INO80: variants seen among roughly 807,000 people sequenced by gnomAD.
INO80 encodes the protein INO80 complex ATPase subunit, also known as chromatin-remodeling ATPase INO80.
A neutral mutation model predicts 203.4 loss-of-function variants in INO80; 20 were observed. The observed-to-expected ratio is 0.10, with a 90% CI of 0.07 to 0.14. INO80 has a LOEUF of 0.14. INO80 is among the 10% of genes least tolerant of loss of function. The pLI, the probability that INO80 is intolerant of heterozygous loss-of-function variation, is 1.00. For missense variants in INO80, 1,419 were observed against 1,914.4 expected (o/e 0.74, Z 4.83); for synonymous variants, 726 against 685.2 (o/e 1.06, Z -0.93).
chr15:41,066,029 G>A (rs1223001497), intron 14 of INO80, among the ~76,000 whole-genome samples: 1 of 113,152 alleles, frequency 8.8e-6, no homozygotes, highest in Non-Finnish European at 1.7e-5. Flanking sequence ...TTGTGCTCTT[G>A]TTGCCCAGGC....
intron 24 of INO80, among the ~76,000 whole-genome samples, chr15:41,028,978 G>A (rs990461162): frequency 1.3e-5 from 2 of 152,200 alleles, no homozygotes; most frequent in African/African-American, 4.8e-5. Context: ...GGGACATGGT[G>A]TTCTATATAA....
chr15:41,052,977 A>G (rs796205404), intron 19 of INO80, among the ~76,000 whole-genome samples: 42 of 152,244 alleles, frequency 2.8e-4, no homozygotes, highest in African/African-American at 1.0e-3. Flanking sequence ...AGGCAACAGT[A>G]AGCCAAGATT....
At chr15:41,025,739 C>A (rs148184135) in intron 25 of INO80, among the ~76,000 whole-genome samples, 43 of 151,860 alleles carry the variant, frequency 2.8e-4, no homozygotes, top group African/African-American at 9.7e-4. Context: ...AAAACCCCAA[C>A]AACCAAAAAA....
Position 40,979,527 on chromosome 15 carries a change from C to T in INO80, c.*696G>A, listed in dbSNP as rs1168768951. ...AGGTGGCTCCTGGTCTCTCTACTGG[C>T]TTCTGGGAGTCCCCTGGGTGGAAGG... On this transcript the variant is annotated 3_prime_UTR_variant, in exon 36 of 36. Coordinates refer to ENST00000648947, the MANE Select transcript of INO80 (RefSeq NM_017553.3). 6.5e-6 allele frequency: 1 copy of T among 153,486 alleles called. No individual in the cohort carries two copies. Among genetic ancestry groups the T allele is most frequent in the East Asian group, 1.9e-4 (1 of 5,212 alleles). The allele number at this position is 153,486 out of a possible 1,614,324, so 9.5% of individuals were successfully genotyped here.
chr15:41,057,553 T>G (rs954563608), intron 16 of INO80, among the ~76,000 whole-genome samples: 1 of 151,526 alleles, frequency 6.6e-6, no homozygotes, highest in African/African-American at 2.4e-5. Flanking sequence ...TCCCAGCACT[T>G]TGGGAGGCAG....
At chr15:41,045,883 C>T (rs1231093220) in intron 23 of INO80, among the ~76,000 whole-genome samples, 3 of 142,052 alleles carry the variant, frequency 2.1e-5, no homozygotes, top group Admixed American at 7.6e-5. Context: ...CCTAGGCGAC[C>T]GAGTGAGACT....
In INO80 at chr15:41,005,583, T is replaced by A. The variant is rs2044029214; in HGVS notation, c.3497+10A>T. The A allele has an allele frequency of 6.7e-7, 1 of 1,485,772 alleles. No individual in the cohort carries two copies. Among genetic ancestry groups the A allele is most frequent in the Admixed American group, 1.7e-5 (1 of 57,432 alleles). The allele number at this position is 1,485,772 out of a possible 1,614,324, so 92.0% of individuals were successfully genotyped here. On this transcript the variant is annotated intron_variant, in intron 28 of 35. Transcript: ENST00000648947. ...AAAAAGATAATTTTTGTAATTCCCA[T>A]GAACATTACCTGTTCTGAAAATCAG...
intron 14 of INO80, among the ~76,000 whole-genome samples, chr15:41,061,554 C>T (rs2045109154): frequency 7.2e-6 from 1 of 139,638 alleles, no homozygotes; most frequent in African/African-American, 2.7e-5. Flanking sequence ...ACCCAGGAAG[C>T]AGAAGTTGCA....
intron 27 of INO80, among the ~76,000 whole-genome samples, chr15:41,015,547 A>G (rs1329958976): frequency 6.6e-6 from 1 of 152,020 alleles, no homozygotes; most frequent in African/African-American, 2.4e-5. Flanking sequence ...GGGGTGTTCT[A>G]TTTCACTGGT....
At chr15:41,089,708 A>G (rs2045607188) in intron 5 of INO80, among the ~76,000 whole-genome samples, 1 of 151,804 alleles carries the variant, frequency 6.6e-6, no homozygotes, top group South Asian at 2.1e-4. Flanking sequence ...ACGCCATTGC[A>G]CTCGAGCCTG....
intron 1 of INO80, chr15:41,109,078 CAAGAAGTCTATTCCTGG>C (rs1402203516): frequency 6.0e-6 from 1 of 167,444 alleles, no homozygotes; most frequent in Non-Finnish European, 1.3e-5. Context: ...TGGAGAATCC[CAAGAAGTCTATTCCTGG>C]AACAAAAATT....
intron 7 of INO80, among the ~76,000 whole-genome samples, 184 bp from the exon 8 acceptor site, chr15:41,081,257 A>G (rs1247254711): frequency 6.6e-6 from 1 of 152,220 alleles, no homozygotes; most frequent in African/African-American, 2.4e-5. Flanking sequence ...TTAAAGAAGC[A>G]TTCAAGAAGA....
At chr15:41,092,218 G>A in intron 4 of INO80, 36 bp from the exon 5 acceptor site, 1 of 1,529,296 alleles carries the variant, frequency 6.5e-7, no homozygotes, top group Non-Finnish European at 8.9e-7. Context: ...ATCTTTTGCT[G>A]TGAAGCAATC....
intron 23 of INO80, among the ~76,000 whole-genome samples, chr15:41,045,277 G>A (rs901608775): frequency 6.6e-6 from 1 of 151,884 alleles, no homozygotes; most frequent in African/African-American, 2.4e-5. Flanking sequence ...AAAATCCTCC[G>A]CAAAGCTCCT....
In INO80 at chr15:41,098,130, G is replaced by A. The variant is rs542362227; in HGVS notation, c.-43-1777C>T. Among the ~76,000 whole-genome samples the A allele has an allele frequency of 1.7e-3, 258 of 152,272 alleles. 1 individual carries two copies. Among genetic ancestry groups the A allele is most frequent in the Non-Finnish European group, 2.9e-3 (197 of 68,016 alleles). ...CTCCCAAAGTGCAGGGATTACAGGC[G>A]TGAGCCACCACGCCCGGCCAACTAA... On this transcript the variant is annotated intron_variant, in intron 1 of 35. Transcript: ENST00000648947.
At chr15:41,099,278 C>CAT (rs1271635146) in intron 1 of INO80, among the ~76,000 whole-genome samples, 4 of 126,686 alleles carry the variant, frequency 3.2e-5, no homozygotes, top group Non-Finnish European at 6.7e-5. Context: ...CAAACACACA[C>CAT]ACACACACAC....
intron 9 of INO80, among the ~76,000 whole-genome samples, chr15:41,075,074 G>C (rs555062680): frequency 6.6e-6 from 1 of 152,136 alleles, no homozygotes; most frequent in Non-Finnish European, 1.5e-5. Flanking sequence ...CTAGTAACAA[G>C]TGTTTTGCTC....
chr15:41,102,380 A>G (rs758301242), intron 1 of INO80, among the ~76,000 whole-genome samples: 2 of 152,108 alleles, frequency 1.3e-5, no homozygotes, highest in Non-Finnish European at 2.9e-5. Flanking sequence ...TAAAAAGGGC[A>G]TATTAGGCCA....
chr15:41,107,956 C>T (rs550054578), intron 1 of INO80, among the ~76,000 whole-genome samples: 126 of 151,920 alleles, frequency 8.3e-4, no homozygotes, highest in African/African-American at 2.8e-3. Flanking sequence ...AAAAATTAGC[C>T]GGGCATGGTG....
Sources: allele counts gnomAD v4.1 joint callset (sites outside exome capture counted in the v4.1 genomes callset), GRCh38; gene constraint gnomAD v4.1.1; transcripts MANE v1.5; gene names NCBI Gene and HGNC (gene_info 2026-07-23, HGNC 2026-07-21).